Variants in ELAVL2 observed in about 807,000 individuals in gnomAD.
ELAVL2 encodes the protein ELAV like RNA binding protein 2.
Under a neutral mutation model 34.6 loss-of-function variants are expected in ELAVL2, and 4 were observed. The observed-to-expected ratio is 0.12, with a 90% CI of 0.06 to 0.26. The LOEUF (loss-of-function observed/expected upper bound fraction) is 0.26, where lower values mean the gene tolerates loss of function less well. Among genes scored for constraint, ELAVL2 ranks in the 10% least tolerant of loss-of-function variants. The pLI, the probability that ELAVL2 is intolerant of heterozygous loss-of-function variation, is 1.00. For synonymous variants in ELAVL2, 193 were observed against 154.8 expected, an observed-to-expected ratio of 1.25 and a Z score of -1.83; for missense variants, 432 against 442.8, an observed-to-expected ratio of 0.98 and a Z score of 0.22.
intron 2 of ELAVL2, among the ~76,000 whole-genome samples, chr9:23,747,386 A>G (rs1251938675): frequency 6.7e-6 from 1 of 149,346 alleles, no homozygotes; most frequent in Non-Finnish European, 1.5e-5. Flanking sequence ...CCAGTTAACT[A>G]AACTGCAGAA....
intron 5 of ELAVL2, among the ~76,000 whole-genome samples, chr9:23,699,411 A>G (rs1054128403): frequency 1.3e-5 from 2 of 152,288 alleles, no homozygotes; most frequent in East Asian, 1.9e-4. Flanking sequence ...CATTGCTTCA[A>G]TCTGGAAAAA....
At chr9:23,827,018 A>C (rs181293083), upstream of ELAVL2, among the ~76,000 whole-genome samples, 2 of 152,324 alleles carry the variant, frequency 1.3e-5, no homozygotes, top group South Asian at 2.1e-4. Flanking sequence ...CTTTCACTTC[A>C]TGTTAGAATA....
intron 2 of ELAVL2, among the ~76,000 whole-genome samples, chr9:23,747,443 G>C (rs922449750): frequency 1.3e-5 from 2 of 152,132 alleles, no homozygotes; most frequent in African/African-American, 4.8e-5. Flanking sequence ...CATGGCACAG[G>C]CTCTCTTCAA....
the ELAVL2 span, among the ~76,000 whole-genome samples, chr9:23,847,573 T>G: frequency 2.0e-5 from 3 of 152,114 alleles, no homozygotes; most frequent in Non-Finnish European, 4.4e-5. Context: ...CCACTGTATT[T>G]CCAATGTGCC....
At chr9:23,792,084 ACCAT>A (rs996948122) in intron 1 of ELAVL2, among the ~76,000 whole-genome samples, 1 of 152,202 alleles carries the variant, frequency 6.6e-6, no homozygotes, top group African/African-American at 2.4e-5. Flanking sequence ...AAGTAACTAC[ACCAT>A]CATTCTATTT....
chr9:23,823,977 A>C (rs2138664007), intron 1 of ELAVL2, among the ~76,000 whole-genome samples: 1 of 152,332 alleles, frequency 6.6e-6, no homozygotes. Context: ...CTGAAGGTTT[A>C]GAATCTTAAC....
chr9:23,811,008 A>G (rs1287672345), intron 1 of ELAVL2, among the ~76,000 whole-genome samples: 1 of 152,100 alleles, frequency 6.6e-6, no homozygotes, highest in Non-Finnish European at 1.5e-5. Context: ...CCAACACAAA[A>G]TTTCTTACTG....
chr9:23,842,141 A>C, the ELAVL2 span, among the ~76,000 whole-genome samples: 1 of 152,176 alleles, frequency 6.6e-6, no homozygotes, highest in Non-Finnish European at 1.5e-5. Flanking sequence ...TGGTTTCCAA[A>C]ACGTGGCTCT....
At chr9:23,704,147 G>GTTTTTTTTTTTTTTTTTTTTTT in intron 4 of ELAVL2, among the ~76,000 whole-genome samples, 2 of 151,788 alleles carry the variant, frequency 1.3e-5, no homozygotes, top group Admixed American at 6.6e-5. Context: ...GGTCACGCTG[G>GTTTTTTTTTTTTTTTTTTTTTT]TCTTGAACTC....
rs749668526 is a variant in ELAVL2 at position 23,730,918 on chromosome 9, C to T, written c.333+104G>A. ...AAATTCCACTATGTCTCCCAGGTAA[C>T]TGTTTATATGGGCCCAAAAGGAAGA... is the stretch of plus-strand genomic sequence containing the variant. On this transcript the variant is annotated intron_variant, in intron 3 of 6. Coordinates refer to ENST00000397312, the MANE Select transcript of ELAVL2 (RefSeq NM_004432.5). The T allele has an allele frequency of 6.9e-5, 72 of 1,042,626 alleles. 1 individual carries two copies. The highest frequency in any genetic ancestry group is 1.2e-5 in the Non-Finnish European group (9 of 736,738). The allele number at this position is 1,042,626 out of a possible 1,614,324, so 64.6% of individuals were successfully genotyped here.
In ELAVL2 at chr9:23,699,433, A is replaced by T. The variant is rs1206580640; in HGVS notation, c.713+1946T>A. 2.0e-5 allele frequency among the ~76,000 whole-genome samples: 3 copies of T among 152,196 alleles called. No individual in the cohort carries two copies. In the East Asian group the frequency reaches 5.8e-4, roughly 29 times the overall value. ...TCAATCTGGAAAAAAAAAGTAGCTA[A>T]TATAGCTTTCCACTAACAGCAAACA... On this transcript the variant is annotated intron_variant, in intron 5 of 6. Transcript: ENST00000397312.
chr9:23,820,999 G>A (rs1467565956), intron 1 of ELAVL2, among the ~76,000 whole-genome samples: 2 of 152,156 alleles, frequency 1.3e-5, no homozygotes, highest in East Asian at 1.9e-4. Context: ...CACCACCTCC[G>A]CACACAACGC....
At chr9:23,712,474 T>C (rs529486413) in intron 3 of ELAVL2, among the ~76,000 whole-genome samples, 2 of 152,268 alleles carry the variant, frequency 1.3e-5, no homozygotes, top group Admixed American at 6.5e-5. Context: ...CTTAGGACAG[T>C]TATTATAATT....
At chr9:23,759,770 AT>A (rs1782713388) in intron 2 of ELAVL2, among the ~76,000 whole-genome samples, 5 of 135,474 alleles carry the variant, frequency 3.7e-5, no homozygotes, top group Non-Finnish European at 7.9e-5. Context: ...ATATATATAT[AT>A]ATATATATAT....
intron 5 of ELAVL2, among the ~76,000 whole-genome samples, chr9:23,700,928 C>T (rs2036979023): frequency 6.6e-6 from 1 of 151,912 alleles, no homozygotes; most frequent in South Asian, 2.1e-4. Flanking sequence ...TTCAGATAAC[C>T]CCAGAAAGCT....
the ELAVL2 span, among the ~76,000 whole-genome samples, chr9:23,834,135 A>C: frequency 1.3e-5 from 2 of 152,048 alleles, no homozygotes; most frequent in Non-Finnish European, 2.9e-5. Context: ...ACGAAATGAT[A>C]GTAAATGGAA....
At chr9:23,752,906 G>C (rs977660767) in intron 2 of ELAVL2, among the ~76,000 whole-genome samples, 2 of 152,132 alleles carry the variant, frequency 1.3e-5, no homozygotes, top group East Asian at 1.9e-4. Flanking sequence ...AGAAATTACT[G>C]AGTGGAGTCT....
intron 3 of ELAVL2, among the ~76,000 whole-genome samples, chr9:23,705,866 G>T (rs1200169075): frequency 3.3e-5 from 5 of 152,154 alleles, no homozygotes; most frequent in Non-Finnish European, 7.3e-5. Context: ...ACCTGCTCTA[G>T]AATAGGGATT....
intron 5 of ELAVL2, among the ~76,000 whole-genome samples, chr9:23,699,645 T>C (rs1472632508): frequency 2.0e-5 from 3 of 151,958 alleles, no homozygotes; most frequent in Non-Finnish European, 4.4e-5. Flanking sequence ...AGTATATTTA[T>C]ACATATATTA....
Sources: allele counts gnomAD v4.1 joint callset (sites outside exome capture counted in the v4.1 genomes callset), GRCh38; gene constraint gnomAD v4.1.1; transcripts MANE v1.5; gene names NCBI Gene and HGNC (gene_info 2026-07-23, HGNC 2026-07-21).